NMT1: variants seen among roughly 807,000 people sequenced by gnomAD.
NMT1 encodes N-myristoyltransferase 1.
A neutral mutation model predicts 63.4 loss-of-function variants in NMT1; 12 were observed. The observed-to-expected ratio is 0.19, with a 90% CI of 0.12 to 0.31. The LOEUF (loss-of-function observed/expected upper bound fraction) is 0.31. NMT1 is among the 10% of genes least tolerant of loss of function. The probability of loss-of-function intolerance (pLI) is 1.00; values close to 1 mark genes in which losing one functional copy is unlikely to be tolerated. For synonymous variants in NMT1, 228 were observed against 234.3 expected, an observed-to-expected ratio of 0.97 and a Z score of 0.25; for missense variants, 432 against 634.6, an observed-to-expected ratio of 0.68 and a Z score of 3.43.
At chr17:45,062,914 C>T (rs1029966192) in intron 1 of NMT1, among the ~76,000 whole-genome samples, 1 of 152,104 alleles carries the variant, frequency 6.6e-6, no homozygotes, top group Non-Finnish European at 1.5e-5. Context: ...CTTCAGCCGG[C>T]ATTAAAAATC....
At chr17:45,066,541 C>T (rs2053903814) in intron 1 of NMT1, among the ~76,000 whole-genome samples, 1 of 151,782 alleles carries the variant, frequency 6.6e-6, no homozygotes, top group African/African-American at 2.4e-5. Context: ...ATCACTTGAG[C>T]TCAGGAGTTC....
At chr17:45,080,310 G>A (rs1215916766) in intron 1 of NMT1, among the ~76,000 whole-genome samples, 5 of 151,658 alleles carry the variant, frequency 3.3e-5, no homozygotes, top group Non-Finnish European at 7.4e-5. Context: ...ACAGGCATGC[G>A]CCACCATGCC....
At chr17:45,089,523 G>A (rs962382054) in intron 3 of NMT1, among the ~76,000 whole-genome samples, 1 of 152,032 alleles carries the variant, frequency 6.6e-6, no homozygotes, top group African/African-American at 2.4e-5. Context: ...TGTATTTTTA[G>A]TAGAGACAGG....
chr17:45,061,546 C>T lies in NMT1; in HGVS notation c.131+86C>T, dbSNP rs900111061. 7 of 1,196,202 alleles carry T rather than the reference C, an allele frequency of 5.9e-6. No individual in the cohort carries two copies. In the Middle Eastern group the frequency reaches 1.3e-3, roughly 230 times the overall value. The allele number at this position is 1,196,202 out of a possible 1,614,324, so 74.1% of individuals were successfully genotyped here. On this transcript the variant is annotated intron_variant, in intron 1 of 11. Coordinates refer to ENST00000258960, the MANE Select transcript of NMT1 (RefSeq NM_021079.5). ...GCGGGGAAGTCACCGGGAGCTTAGTCTAGCCCCACCCTCATGTTCTTATTG... is the reference window on the plus strand; with the variant it reads ...GCGGGGAAGTCACCGGGAGCTTAGTTTAGCCCCACCCTCATGTTCTTATTG...
chr17:45,075,956 G>C (rs183869353), intron 1 of NMT1, among the ~76,000 whole-genome samples: 1 of 152,204 alleles, frequency 6.6e-6, no homozygotes, highest in East Asian at 1.9e-4. Context: ...TGTATTCCCA[G>C]CTACCCAGGA....
intron 1 of NMT1, chr17:45,071,561 G>C (rs1462562184): frequency 6.6e-6 from 1 of 152,108 alleles, no homozygotes; most frequent in Non-Finnish European, 1.5e-5. Context: ...AAAGTAAAAA[G>C]CAAGTGGCCA....
In NMT1 at chr17:45,108,980, C is replaced by G. The variant is rs1170305096; in HGVS notation, c.*3341C>G. The G allele has an allele frequency of 1.3e-5, 2 of 152,658 alleles. No individual in the cohort carries two copies. The highest frequency in any genetic ancestry group is 2.4e-5 in the African/African-American group (1 of 41,456). 9.5% of individuals were successfully genotyped at this position (152,658 alleles called of 1,614,324 possible). A position where few individuals can be genotyped will look rare whatever the true frequency, so the allele number is the denominator to read the frequency against. Reference sequence around the variant, plus strand: ...TGCATTGTTGTTCTGCTCAATACATCTCACTTGTTTCTAATAAAGAAAGCA... The same window carrying G: ...TGCATTGTTGTTCTGCTCAATACATGTCACTTGTTTCTAATAAAGAAAGCA... On this transcript the variant is annotated 3_prime_UTR_variant, in exon 12 of 12. Coordinates refer to ENST00000258960, the MANE Select transcript of NMT1 (RefSeq NM_021079.5).
In NMT1 at chr17:45,097,170, G is replaced by T; in HGVS notation, c.639G>T (p.Gly213=). Residue 213 remains glycine (G), a synonymous_variant, in exon 6 of 12, where the codon GGG becomes GGT. Coordinates refer to ENST00000258960, the MANE Select transcript of NMT1 (RefSeq NM_021079.5). ...PPGWLPQWHC[G]VRVVSSRKLV... is the part of the protein sequence containing the mutation. ...GCTGGCTCCCCCAGTGGCACTGTGG[G>T]GTTCGAGTGGTCTCAAGTCGGAAAT... 1 of 1,614,226 alleles carries T rather than the reference G, an allele frequency of 6.2e-7. No homozygotes were observed. Among genetic ancestry groups the T allele is most frequent in the Non-Finnish European group, 8.5e-7 (1 of 1,180,034 alleles).
At chr17:45,094,147 G>A (rs976011784) in intron 4 of NMT1, among the ~76,000 whole-genome samples, 9 of 151,818 alleles carry the variant, frequency 5.9e-5, no homozygotes, top group Non-Finnish European at 1.2e-4. Context: ...TTTCCACCCC[G>A]GCCACCCAGA....
At chr17:45,073,109 G>T (rs1438312501) in intron 1 of NMT1, among the ~76,000 whole-genome samples, 1 of 151,956 alleles carries the variant, frequency 6.6e-6, no homozygotes, top group Non-Finnish European at 1.5e-5. Flanking sequence ...AACTAGAGGC[G>T]CTGTGGGAAG....
chr17:45,086,606 C>T lies in NMT1; in HGVS notation c.339C>T (p.Ser113=), dbSNP rs1244710451. ...QGPAKTMEEA[S]KRSYQFWDTQ... Reference sequence around the variant, plus strand: ...CTGCCAAAACCATGGAGGAGGCTAGCAAGCGAAGCTACCAGTTCTGGGATA... The same window carrying T: ...CTGCCAAAACCATGGAGGAGGCTAGTAAGCGAAGCTACCAGTTCTGGGATA... The change falls in exon 3 of 12, where the codon AGC becomes AGT. Residue 113 remains serine (S), a synonymous_variant. Coordinates refer to ENST00000258960, the MANE Select transcript of NMT1 (RefSeq NM_021079.5). 8 of 1,613,542 alleles carry T rather than the reference C, an allele frequency of 5.0e-6. No homozygotes were observed. Among genetic ancestry groups the T allele is most frequent in the Admixed American group, 1.7e-5 (1 of 59,916 alleles).
intron 1 of NMT1, among the ~76,000 whole-genome samples, chr17:45,072,576 T>C (rs1252526604): frequency 7.7e-6 from 1 of 129,744 alleles, no homozygotes; most frequent in Non-Finnish European, 1.7e-5. Context: ...ATTTTTTTTT[T>C]TGAGATGGAG....
At chr17:45,082,109 G>GC (rs1360015924) in intron 2 of NMT1, among the ~76,000 whole-genome samples, 2 of 152,072 alleles carry the variant, frequency 1.3e-5, no homozygotes, top group East Asian at 1.9e-4. Flanking sequence ...ACAATGAAAG[G>GC]CCCCCCCTTT....
Position 45,103,178 on chromosome 17 carries a change from T to A in NMT1, c.1164+57T>A. 3.2e-6 allele frequency: 5 copies of A among 1,540,326 alleles called. No individual in the cohort carries two copies. Among genetic ancestry groups the A allele is most frequent in the Non-Finnish European group, 4.4e-6 (5 of 1,126,776 alleles). ...ACACGTTCCCAGAGAGGCACCCCCC[T>A]GAGTGGCCGGGTTCCCAGGGCTCGA... On this transcript the variant is annotated intron_variant, in intron 9 of 11. Transcript: ENST00000258960. The surrounding 1 kb of genome is among the most constrained non-coding windows in gnomAD (Gnocchi z 4.8).
rs1178514623 is a variant in NMT1, at chr17:45,105,073, T to G, written c.1470+77T>G. The G allele has an allele frequency of 6.3e-7, 1 of 1,585,108 alleles. No homozygotes were observed. The highest frequency in any genetic ancestry group is 2.2e-5 in the East Asian group (1 of 44,590). ...CTCCAGCAGAAACCGGGCCATGGGT[T>G]GAGGAGACAGCCGCAGTCTGGGTCC... On this transcript the variant is annotated intron_variant, in intron 11 of 11. Coordinates refer to ENST00000258960, the MANE Select transcript of NMT1 (RefSeq NM_021079.5). The surrounding 1 kb of genome is among the most constrained non-coding windows in gnomAD (Gnocchi z 4.2).
chr17:45,093,736 G>A lies in NMT1; in HGVS notation c.437G>A (p.Arg146His), dbSNP rs955288678. 1.2e-6 allele frequency: 2 copies of A among 1,614,236 alleles called. No homozygotes were observed. The highest frequency in any genetic ancestry group is 1.7e-6 in the Non-Finnish European group (2 of 1,180,046). Residue 146 changes from arginine to histidine, a missense_variant, in exon 4 of 12, where the codon CGC becomes CAC. Arg to His is a conservative substitution (Grantham distance 29). Coordinates refer to ENST00000258960, the MANE Select transcript of NMT1 (RefSeq NM_021079.5). The stretch of plus-strand genomic sequence containing the variant: ...GTGGAGCCTGACAAGGACAATATCC[G>A]CCAGGAGCCCTACACCCTGCCCCAG... ...GPVEPDKDNI[R>H]QEPYTLPQGF... is the part of the protein sequence containing the mutation.
chr17:45,087,204 A>G (rs1470959645), intron 3 of NMT1, among the ~76,000 whole-genome samples: 1 of 151,946 alleles, frequency 6.6e-6, no homozygotes, highest in African/African-American at 2.4e-5. Flanking sequence ...AAAACAAAAC[A>G]AAACTATTGG....
At chr17:45,078,384 C>T (rs1388814007) in intron 1 of NMT1, among the ~76,000 whole-genome samples, 1 of 152,102 alleles carries the variant, frequency 6.6e-6, no homozygotes, top group Non-Finnish European at 1.5e-5. Context: ...GTCATGAAGT[C>T]TGGATGTGAG....
At chr17:45,079,891 G>A (rs893506097) in intron 1 of NMT1, among the ~76,000 whole-genome samples, 4 of 152,160 alleles carry the variant, frequency 2.6e-5, no homozygotes, top group African/African-American at 9.7e-5. Flanking sequence ...AGTAGAGACG[G>A]TGTTTTACCA....
Sources: allele counts gnomAD v4.1 joint callset (sites outside exome capture counted in the v4.1 genomes callset), GRCh38; gene constraint gnomAD v4.1.1; non-coding constraint Gnocchi (gnomAD v3.1); transcripts MANE v1.5; gene names NCBI Gene and HGNC (gene_info 2026-07-23, HGNC 2026-07-21).